Variants in PLGRKT observed in about 807,000 individuals in gnomAD.
PLGRKT encodes the protein plasminogen receptor (KT).
A neutral mutation model predicts 18.5 loss-of-function variants in PLGRKT; 22 were observed. The observed-to-expected ratio is 1.19, with a 90% CI of 0.85 to 1.70. The LOEUF is 1.70. Among genes scored for constraint, PLGRKT ranks in the 40% most tolerant of loss-of-function variants. PLGRKT has a pLI of 0.00. For synonymous variants in PLGRKT, 72 were observed against 52.8 expected, an observed-to-expected ratio of 1.36 and a Z score of -1.58; for missense variants, 235 against 174.4, an observed-to-expected ratio of 1.35 and a Z score of -1.96.
rs79569911 is a variant in PLGRKT at position 5,420,729 on chromosome 9, C to T, written c.81+11168G>A. ...GTGCTGCTTTCTTCTCCTCCACCTA[C>T]TCTACATTCTGGTTCCTTGTCACCA... On this transcript the variant is annotated intron_variant, in intron 3 of 5. Transcript: ENST00000223864. Among the ~76,000 whole-genome samples, 90 of 152,288 alleles carry T rather than the reference C, an allele frequency of 5.9e-4. No homozygotes were observed. The East Asian group carries it at 0.016, about 27-fold the overall frequency.
At chr9:5,362,039 T>C (rs1180056545) in intron 3 of PLGRKT, 151 bp from the exon 4 acceptor site, 16 of 716,798 alleles carry the variant, frequency 2.2e-5, no homozygotes, top group Middle Eastern at 3.1e-4. Context: ...TAAAGTTCCT[T>C]TGGACAGCTC....
chr9:5,379,852 G>A (rs1463514453), intron 3 of PLGRKT, among the ~76,000 whole-genome samples: 1 of 152,200 alleles, frequency 6.6e-6, no homozygotes, highest in Non-Finnish European at 1.5e-5. Context: ...GACAGTATCT[G>A]TGTGATAGAA....
At chr9:5,431,467 G>C (rs1818821893) in intron 3 of PLGRKT, among the ~76,000 whole-genome samples, 1 of 146,800 alleles carries the variant, frequency 6.8e-6, no homozygotes. Flanking sequence ...CCAGGAGGCA[G>C]AGGTTGCAGT....
At chr9:5,385,643 G>A (rs1362082108) in intron 3 of PLGRKT, among the ~76,000 whole-genome samples, 2 of 151,688 alleles carry the variant, frequency 1.3e-5, no homozygotes, top group Admixed American at 6.6e-5. Flanking sequence ...GGAAGAACAG[G>A]GTCTGCTGTG....
At chr9:5,433,061 G>A (rs1169477922) in intron 2 of PLGRKT, among the ~76,000 whole-genome samples, 4 of 148,302 alleles carry the variant, frequency 2.7e-5, no homozygotes, top group African/African-American at 1.0e-4. Flanking sequence ...GAGGGCCTCT[G>A]CCCGGCCGCC....
At chr9:5,371,778 G>T (rs7852017) in intron 3 of PLGRKT, among the ~76,000 whole-genome samples, 6,530 of 151,840 alleles carry the variant, frequency 0.043, 456 homozygotes, top group African/African-American at 0.15. Context: ...AACAATAAGG[G>T]TGTTTTCATT....
At chr9:5,373,037 T>C (rs987235602) in intron 3 of PLGRKT, among the ~76,000 whole-genome samples, 33 of 152,024 alleles carry the variant, frequency 2.2e-4, no homozygotes, top group African/African-American at 7.7e-4. Flanking sequence ...ATATGGAAAA[T>C]TGGGGTGGAA....
chr9:5,424,112 G>C (rs1329623407), intron 3 of PLGRKT, among the ~76,000 whole-genome samples: 1 of 139,584 alleles, frequency 7.2e-6, no homozygotes, highest in Non-Finnish European at 1.5e-5. Context: ...ATGTAATATA[G>C]TCTATATTAT....
intron 3 of PLGRKT, chr9:5,392,680 C>G (rs1249433917): frequency 6.6e-6 from 1 of 151,836 alleles, no homozygotes; most frequent in Non-Finnish European, 1.5e-5. Flanking sequence ...ATTAGATCTC[C>G]TTACTGGGTG....
chr9:5,431,003 T>C (rs556046782), intron 3 of PLGRKT, among the ~76,000 whole-genome samples: 7 of 152,328 alleles, frequency 4.6e-5, no homozygotes, highest in African/African-American at 1.7e-4. Context: ...TTATACGAAG[T>C]CTGTGGCTTA....
chr9:5,394,292 C>T (rs1182212509), intron 3 of PLGRKT, among the ~76,000 whole-genome samples: 1 of 151,802 alleles, frequency 6.6e-6, no homozygotes, highest in Non-Finnish European at 1.5e-5. Flanking sequence ...TTACTAGTTT[C>T]TAACATAGCC....
chr9:5,424,629 A>G (rs1818652291), intron 3 of PLGRKT, among the ~76,000 whole-genome samples: 1 of 121,578 alleles, frequency 8.2e-6, no homozygotes, highest in Non-Finnish European at 1.7e-5. Context: ...ATTATATTAT[A>G]TTAATATATT....
Position 5,361,117 on chromosome 9 carries a change from A to T in PLGRKT, c.283T>A (p.Tyr95Asn). The change falls in exon 5 of 6, where the codon TAT (tyrosine) becomes AAT (asparagine). Residue 95 changes from tyrosine to asparagine, a missense_variant. Transcript: ENST00000223864. ...VPLSFILTYQ[Y>N]DLGYGTLLER... ...AAAAGGGTTCCATAGCCCAAGTCAT[A>T]CTGGTAGGTGAGGATAAAGCTTAAT... 6.2e-7 allele frequency: 1 copy of T among 1,607,298 alleles called. No homozygotes were observed. Among genetic ancestry groups the T allele is most frequent in the Non-Finnish European group, 8.5e-7 (1 of 1,174,134 alleles).
Position 5,437,222 on chromosome 9 carries a change from G to A in PLGRKT, c.-132-528C>T, listed in dbSNP as rs146023406. Among the ~76,000 whole-genome samples, 95 of 152,262 alleles carry A rather than the reference G, an allele frequency of 6.2e-4. 1 individual carries two copies. Among genetic ancestry groups the A allele is most frequent in the African/African-American group, 2.0e-3 (84 of 41,546 alleles). On this transcript the variant is annotated intron_variant, in intron 1 of 5. Coordinates refer to ENST00000223864, the MANE Select transcript of PLGRKT (RefSeq NM_018465.4). Reference sequence around the variant, plus strand: ...GACAACCTTTCTTCCGGTCACCCGTGAGTACCTAGATTTGATTTTACTTGG... The same window carrying A: ...GACAACCTTTCTTCCGGTCACCCGTAAGTACCTAGATTTGATTTTACTTGG...
chr9:5,385,667 G>GT (rs1817829158), intron 3 of PLGRKT, among the ~76,000 whole-genome samples: 1 of 151,790 alleles, frequency 6.6e-6, no homozygotes, highest in African/African-American at 2.4e-5. Context: ...AGTCTCATGA[G>GT]TAAGGAGGAA....
intron 3 of PLGRKT, among the ~76,000 whole-genome samples, chr9:5,428,420 A>C (rs1033946870): frequency 1.3e-5 from 2 of 152,152 alleles, no homozygotes; most frequent in East Asian, 3.9e-4. Flanking sequence ...AGGGAAGGCA[A>C]GTATGCTAAG....
At position 5,386,736 on chromosome 9, in the gene PLGRKT, C is replaced by A. The variant is rs1442953292; in HGVS notation, c.82-24848G>T. 3.9e-5 allele frequency among the ~76,000 whole-genome samples: 6 copies of A among 151,972 alleles called. No individual in the cohort carries two copies. In the East Asian group the frequency reaches 1.2e-3, roughly 29 times the overall value. The stretch of plus-strand genomic sequence containing the variant: ...TTTCCCCCACCTCCCATCACTGCTA[C>A]CTGCTGTTAGTCATCCTATGTCCAT... On this transcript the variant is annotated intron_variant, in intron 3 of 5. Coordinates refer to ENST00000223864, the MANE Select transcript of PLGRKT (RefSeq NM_018465.4).
chr9:5,359,297 G>C (rs1346890850), intron 5 of PLGRKT, among the ~76,000 whole-genome samples: 2 of 152,014 alleles, frequency 1.3e-5, no homozygotes, highest in Admixed American at 1.3e-4. Flanking sequence ...TGATCTGCCT[G>C]CTTTGGCCTC....
At chr9:5,375,863 G>A (rs753107496) in intron 3 of PLGRKT, among the ~76,000 whole-genome samples, 3 of 152,174 alleles carry the variant, frequency 2.0e-5, no homozygotes, top group African/African-American at 2.4e-5. Flanking sequence ...ATACCCAAAA[G>A]CAATGAAAGC....
Sources: allele counts gnomAD v4.1 joint callset (sites outside exome capture counted in the v4.1 genomes callset), GRCh38; gene constraint gnomAD v4.1.1; transcripts MANE v1.5; gene names NCBI Gene and HGNC (gene_info 2026-07-23, HGNC 2026-07-21).